Variants in RPS6KC1 observed in about 807,000 individuals in gnomAD.
RPS6KC1 encodes ribosomal protein S6 kinase C1, also known as inactive ribosomal protein S6 kinase delta-1.
RPS6KC1 carries 54 observed loss-of-function variants against 103.8 expected under a neutral mutation model. That is an observed-to-expected ratio of 0.52 (90% CI 0.42 to 0.65). RPS6KC1 has a LOEUF of 0.65. Ranked by LOEUF, RPS6KC1 falls within the 30% of genes least tolerant of loss-of-function variation. RPS6KC1 has a pLI of 0.00. For synonymous variants in RPS6KC1, 439 were observed against 438.7 expected, an observed-to-expected ratio of 1.00 and a Z score of -0.01; for missense variants, 1,151 against 1,253.8, an observed-to-expected ratio of 0.92 and a Z score of 1.24.
chr1:213,099,763 T>C (rs2081846058), intron 3 of RPS6KC1, among the ~76,000 whole-genome samples: 1 of 152,218 alleles, frequency 6.6e-6, no homozygotes, highest in South Asian at 2.1e-4. Flanking sequence ...TTTTCATGTC[T>C]GGCTTCCCTC....
chr1:213,098,342 A>G (rs2081670888), intron 3 of RPS6KC1, among the ~76,000 whole-genome samples: 1 of 134,268 alleles, frequency 7.4e-6, no homozygotes, highest in Non-Finnish European at 1.6e-5. Flanking sequence ...GGGTTTCACC[A>G]TGTTACTTAG....
chr1:213,453,847 G>GGTCTGAACTGTGGCAGGTCCGC, the RPS6KC1 span, among the ~76,000 whole-genome samples: 3 of 152,254 alleles, frequency 2.0e-5, 1 homozygote, highest in African/African-American at 7.2e-5. Context: ...CACAGGTCCA[G>GGTCTGAACTGTGGCAGGTCCGC]GTCTGAACTG....
chr1:213,824,458 C>T, the RPS6KC1 span, among the ~76,000 whole-genome samples: 1 of 152,148 alleles, frequency 6.6e-6, no homozygotes, highest in African/African-American at 2.4e-5. Context: ...GCAAAAGGCT[C>T]TCTGAAAAAA....
the RPS6KC1 span, among the ~76,000 whole-genome samples, chr1:213,718,141 T>C: frequency 6.6e-6 from 1 of 152,270 alleles, no homozygotes; most frequent in African/African-American, 2.4e-5. Flanking sequence ...TATTTTTTGC[T>C]AATGAGCTTA....
the RPS6KC1 span, among the ~76,000 whole-genome samples, chr1:213,661,823 C>A: frequency 3.3e-5 from 5 of 152,128 alleles, no homozygotes. Context: ...GTTTATGAGG[C>A]ATGAGTTTGC....
chr1:213,114,083 C>T (rs757506484), intron 4 of RPS6KC1, among the ~76,000 whole-genome samples: 1,888 of 151,884 alleles, frequency 0.012, 20 homozygotes, highest in Middle Eastern at 0.031. Context: ...GTAGTTTTTT[C>T]CAATTCTGTG....
chr1:213,450,748 G>T, the RPS6KC1 span, among the ~76,000 whole-genome samples: 1 of 152,220 alleles, frequency 6.6e-6, no homozygotes, highest in Non-Finnish European at 1.5e-5. Context: ...GGCCGAGGCA[G>T]GTGGATCACC....
the RPS6KC1 span, among the ~76,000 whole-genome samples, chr1:213,706,481 C>T: frequency 6.6e-6 from 1 of 152,152 alleles, no homozygotes; most frequent in Non-Finnish European, 1.5e-5. Context: ...ACTGTTTTTC[C>T]TACCTATTTA....
At chr1:213,326,359 A>G in the RPS6KC1 span, among the ~76,000 whole-genome samples, 1 of 152,246 alleles carries the variant, frequency 6.6e-6, no homozygotes, top group East Asian at 1.9e-4. Flanking sequence ...ATCTTGCATG[A>G]TGAAGACATA....
At chr1:213,373,304 A>G in the RPS6KC1 span, among the ~76,000 whole-genome samples, 2 of 152,206 alleles carry the variant, frequency 1.3e-5, no homozygotes, top group Non-Finnish European at 2.9e-5. Context: ...TCATTTCTCT[A>G]TGTTAATTAG....
At chr1:213,264,718 A>G (rs897647025) in intron 14 of RPS6KC1, among the ~76,000 whole-genome samples, 1 of 152,138 alleles carries the variant, frequency 6.6e-6, no homozygotes, top group African/African-American at 2.4e-5. Flanking sequence ...ATGATTAGCA[A>G]TTTGTCATTT....
At chr1:213,615,817 A>T in the RPS6KC1 span, among the ~76,000 whole-genome samples, 6 of 152,328 alleles carry the variant, frequency 3.9e-5, no homozygotes, top group Admixed American at 1.3e-4. Flanking sequence ...TCCCTTTGAG[A>T]AGGCTCTGCC....
chr1:213,707,258 G>T, the RPS6KC1 span, among the ~76,000 whole-genome samples: 12 of 152,008 alleles, frequency 7.9e-5, no homozygotes, highest in African/African-American at 2.9e-4. Flanking sequence ...GCATGAGAAG[G>T]TATCTCATTG....
At chr1:213,508,882 G>A in the RPS6KC1 span, among the ~76,000 whole-genome samples, 1 of 152,160 alleles carries the variant, frequency 6.6e-6, no homozygotes, top group Admixed American at 6.5e-5. Context: ...GGCAATGGCA[G>A]GATCTTGACT....
the RPS6KC1 span, among the ~76,000 whole-genome samples, chr1:213,322,945 G>C: frequency 1.4e-5 from 1 of 72,676 alleles, no homozygotes; most frequent in Non-Finnish European, 2.6e-5. Flanking sequence ...TTTTTTTTTA[G>C]TAGAGACAGG....
At chr1:213,782,533 G>A in the RPS6KC1 span, among the ~76,000 whole-genome samples, 15 of 152,162 alleles carry the variant, frequency 9.9e-5, no homozygotes, top group South Asian at 1.5e-3. Flanking sequence ...TAGTGTCCAC[G>A]TAGCTCCAAA....
intron 4 of RPS6KC1, among the ~76,000 whole-genome samples, chr1:213,107,436 A>C (rs2082607299): frequency 6.6e-6 from 1 of 152,170 alleles, no homozygotes; most frequent in African/African-American, 2.4e-5. Context: ...GGTTTCTTTC[A>C]CTTAGCATAA....
chr1:213,375,136 T>G, the RPS6KC1 span, among the ~76,000 whole-genome samples: 1 of 151,470 alleles, frequency 6.6e-6, no homozygotes, highest in Non-Finnish European at 1.5e-5. Context: ...TACACATATA[T>G]ACACACATAT....
At chr1:213,756,683 T>A in the RPS6KC1 span, among the ~76,000 whole-genome samples, 46 of 152,092 alleles carry the variant, frequency 3.0e-4, no homozygotes, top group African/African-American at 1.0e-3. Context: ...AGTGGTGCAA[T>A]CTTGGCTCAC....
Sources: gnomAD v4.1 joint callset for allele counts (sites outside exome capture counted in the v4.1 genomes callset) on GRCh38, gnomAD v4.1.1 for gene constraint, MANE v1.5 for transcripts, NCBI Gene and HGNC (gene_info 2026-07-23, HGNC 2026-07-21) for gene names.